BLTP1: variants seen among roughly 807,000 people sequenced by gnomAD.
BLTP1 encodes fragile site-associated protein.
the BLTP1 span, among the ~76,000 whole-genome samples, chr4:122,329,817 T>C: frequency 1.3e-5 from 2 of 151,772 alleles, no homozygotes; most frequent in Non-Finnish European, 2.9e-5. Context: ...GTAGGCACAA[T>C]CTCTAGAACT....
the BLTP1 span, chr4:122,353,194 TTC>T: frequency 6.2e-7 from 1 of 1,601,670 alleles, no homozygotes; most frequent in Admixed American, 1.7e-5. The surrounding 1 kb of genome is among the most constrained non-coding windows in gnomAD (Gnocchi z 4.3). Flanking sequence ...TTCTCCTATC[TTC>T]TGTTATGACT....
At chr4:122,262,148 T>TTGTG in the BLTP1 span, among the ~76,000 whole-genome samples, 16,676 of 133,306 alleles carry the variant, frequency 0.13, 1,116 homozygotes, top group East Asian at 0.17. Flanking sequence ...TACAGATCCT[T>TTGTG]TGTGTGTGTG....
chr4:122,343,130 A>G, the BLTP1 span, among the ~76,000 whole-genome samples: 1 of 152,200 alleles, frequency 6.6e-6, no homozygotes, highest in African/African-American at 2.4e-5. Context: ...AGTGAAGGAG[A>G]AAAGAAATAG....
chr4:122,291,651 T>C, the BLTP1 span: 3 of 790,604 alleles, frequency 3.8e-6, no homozygotes, highest in Non-Finnish European at 4.6e-6. Flanking sequence ...AAGTAAGCAC[T>C]GATCAAGTAA....
the BLTP1 span, chr4:122,349,530 T>C: frequency 6.2e-7 from 1 of 1,612,064 alleles, no homozygotes; most frequent in Non-Finnish European, 8.5e-7. The surrounding 1 kb of genome is among the most constrained non-coding windows in gnomAD (Gnocchi z 4.5). Flanking sequence ...TCGTGTTGAT[T>C]ACATGGGCTC....
the BLTP1 span, chr4:122,306,652 G>C: frequency 0.021 from 19,551 of 951,372 alleles, 1,309 homozygotes; most frequent in African/African-American, 0.21. Context: ...CAATAAGAAC[G>C]AAATAAACAT....
chr4:122,167,444 G>C, the BLTP1 span, among the ~76,000 whole-genome samples: 1 of 152,020 alleles, frequency 6.6e-6, no homozygotes, highest in African/African-American at 2.4e-5. Flanking sequence ...CCTTTCTCTT[G>C]GGCTCTGACA....
chr4:122,179,486 T>C, the BLTP1 span, among the ~76,000 whole-genome samples: 10 of 152,288 alleles, frequency 6.6e-5, no homozygotes, highest in Admixed American at 5.2e-4. Context: ...ATGGTCTGTA[T>C]TTTCTTCAAG....
At chr4:122,221,042 C>T in the BLTP1 span, 1 of 973,172 alleles carries the variant, frequency 1.0e-6, no homozygotes, top group Non-Finnish European at 1.2e-6. Flanking sequence ...CTTTCTGTGG[C>T]AACTACCACC....
chr4:122,183,702 C>G, the BLTP1 span, among the ~76,000 whole-genome samples: 1 of 152,070 alleles, frequency 6.6e-6, no homozygotes, highest in Non-Finnish European at 1.5e-5. Context: ...TTAGTTATTT[C>G]CAAGTTGATG....
At chr4:122,314,549 C>T in the BLTP1 span, among the ~76,000 whole-genome samples, 1 of 152,044 alleles carries the variant, frequency 6.6e-6, no homozygotes, top group Non-Finnish European at 1.5e-5. Flanking sequence ...GGGTGAGCTA[C>T]AGAGATACTT....
the BLTP1 span, chr4:122,167,612 A>G: frequency 1.0e-6 from 1 of 972,548 alleles, no homozygotes; most frequent in Non-Finnish European, 1.2e-6. Flanking sequence ...AGGCTCCAGC[A>G]TCCTGTGCCT....
At chr4:122,182,671 C>A in the BLTP1 span, 2 of 985,266 alleles carry the variant, frequency 2.0e-6, no homozygotes, top group African/African-American at 1.7e-5. Context: ...CAAACCATGA[C>A]CCTGTTGGGA....
chr4:122,194,818 A>C, the BLTP1 span: 1 of 373,424 alleles, frequency 2.7e-6, no homozygotes, highest in African/African-American at 2.2e-5. Context: ...AATTTGCTTT[A>C]ACCACTCCTT....
the BLTP1 span, among the ~76,000 whole-genome samples, chr4:122,338,169 C>T: frequency 1.3e-5 from 2 of 151,892 alleles, no homozygotes; most frequent in Non-Finnish European, 2.9e-5. Context: ...AACCTTTGGG[C>T]TGGGTGCAGT....
chr4:122,246,637 T>G, the BLTP1 span: 10 of 1,583,420 alleles, frequency 6.3e-6, no homozygotes, highest in Non-Finnish European at 8.6e-6. Context: ...TATGTTTAAG[T>G]GGTAATTTTT....
the BLTP1 span, among the ~76,000 whole-genome samples, chr4:122,161,654 G>A: frequency 6.6e-6 from 1 of 151,784 alleles, no homozygotes; most frequent in Non-Finnish European, 1.5e-5. Flanking sequence ...CTGGTCTCCT[G>A]GGCTCAAGTG....
the BLTP1 span, among the ~76,000 whole-genome samples, chr4:122,236,062 C>A: frequency 1.4e-3 from 207 of 152,298 alleles, 3 homozygotes; most frequent in African/African-American, 4.7e-3. Flanking sequence ...GAATATTTAG[C>A]CATTTCCCCT....
At chr4:122,228,094 T>C in the BLTP1 span, among the ~76,000 whole-genome samples, 1 of 151,984 alleles carries the variant, frequency 6.6e-6, no homozygotes, top group Non-Finnish European at 1.5e-5. Flanking sequence ...TTTGTGTTTT[T>C]AGTAGAGATA....
Sources: gnomAD v4.1 joint callset for allele counts (sites outside exome capture counted in the v4.1 genomes callset) on GRCh38, gnomAD v4.1.1 for gene constraint, Gnocchi (gnomAD v3.1) non-coding constraint, MANE v1.5 for transcripts, NCBI Gene and HGNC (gene_info 2026-07-23, HGNC 2026-07-21) for gene names.